Variants in ERC2 observed in about 807,000 individuals in gnomAD.
The protein encoded by ERC2 is ELKS/RAB6-interacting/CAST family member 2.
Under a neutral mutation model 114.8 loss-of-function variants are expected in ERC2, and 42 were observed. The observed-to-expected ratio is 0.37, with a 90% CI of 0.29 to 0.47. ERC2 has a LOEUF of 0.47. Ranked by LOEUF, ERC2 falls within the 20% of genes least tolerant of loss-of-function variation. The pLI is 0.99. For synonymous variants in ERC2, 454 were observed against 425.5 expected (o/e 1.07, Z -0.82); for missense variants, 939 against 1,150.7 (o/e 0.82, Z 2.66).
chr3:55,691,838 T>C (rs538103714), intron 16 of ERC2, among the ~76,000 whole-genome samples: 1 of 152,026 alleles, frequency 6.6e-6, no homozygotes, highest in South Asian at 2.1e-4. Flanking sequence ...TATGTATATA[T>C]AACGTATATT....
At chr3:56,163,186 T>C (rs2082145876) in intron 4 of ERC2, among the ~76,000 whole-genome samples, 1 of 152,152 alleles carries the variant, frequency 6.6e-6, no homozygotes, top group African/African-American at 2.4e-5. Context: ...TGAGAGATCT[T>C]CTTGGTATTG....
chr3:55,745,005 A>G (rs1194845343), intron 14 of ERC2, among the ~76,000 whole-genome samples: 2 of 152,228 alleles, frequency 1.3e-5, no homozygotes, highest in Non-Finnish European at 2.9e-5. Context: ...ATTACTTTCT[A>G]TGAGCTCCCC....
At chr3:56,076,893 T>C (rs753445270) in intron 7 of ERC2, among the ~76,000 whole-genome samples, 15 of 152,182 alleles carry the variant, frequency 9.9e-5, no homozygotes, top group African/African-American at 1.2e-4. Flanking sequence ...AATGCAAGCC[T>C]AGCTTTGCCA....
rs1404162511 is a variant in ERC2, at chr3:55,540,660, C to CTGGAGGCCCCTCCCA, written c.*40-29385_*40-29384insTGGGAGGGGCCTCCA. Reference sequence around the variant, plus strand: ...TTTTGGAGGCCCCTCCCAGCTTTAACGTTCTTTATCCCACTCTCCTGGGAG... The same window carrying CTGGAGGCCCCTCCCA: ...TTTTGGAGGCCCCTCCCAGCTTTAACTGGAGGCCCCTCCCAGTTCTTTATCCCACTCTCCTGGGAG... On this transcript the variant is annotated intron_variant, in intron 17 of 17. Transcript: ENST00000288221. Among the ~76,000 whole-genome samples the CTGGAGGCCCCTCCCA allele has an allele frequency of 5.3e-5, 8 of 152,300 alleles. No homozygotes were observed. In the East Asian group the frequency reaches 1.5e-3, roughly 29 times the overall value.
intron 7 of ERC2, among the ~76,000 whole-genome samples, chr3:56,020,472 C>A (rs534937161): frequency 4.7e-4 from 72 of 152,260 alleles, no homozygotes; most frequent in African/African-American, 1.6e-3. Context: ...TTGGAAAACA[C>A]AGCAATTCAG....
intron 6 of ERC2, among the ~76,000 whole-genome samples, chr3:56,121,070 C>G (rs2079547680): frequency 6.6e-6 from 1 of 152,194 alleles, no homozygotes; most frequent in Non-Finnish European, 1.5e-5. Flanking sequence ...TGCATGATTA[C>G]TGTTTAGACC....
intron 17 of ERC2, among the ~76,000 whole-genome samples, chr3:55,661,085 C>T (rs1193932408): frequency 6.6e-6 from 1 of 152,170 alleles, no homozygotes; most frequent in Non-Finnish European, 1.5e-5. Context: ...TGGTTCAACT[C>T]GTCTGTGCAT....
At chr3:56,297,146 T>C (rs1193549714) in intron 2 of ERC2, among the ~76,000 whole-genome samples, 1 of 136,402 alleles carries the variant, frequency 7.3e-6, no homozygotes, top group Non-Finnish European at 1.6e-5. Context: ...AAGCAAAAAA[T>C]CAACACAAAG....
chr3:56,302,926 G>A (rs76015388), intron 2 of ERC2, among the ~76,000 whole-genome samples: 3,337 of 152,326 alleles, frequency 0.022, 42 homozygotes, highest in South Asian at 0.064. Context: ...CTGGGTCCCA[G>A]TCAAACTGCT....
chr3:55,621,854 G>A (rs1414199937), intron 17 of ERC2, among the ~76,000 whole-genome samples: 1 of 152,184 alleles, frequency 6.6e-6, no homozygotes, highest in Admixed American at 6.5e-5. Context: ...CGTGGAAAAT[G>A]CCAGGCAGGT....
chr3:56,239,266 T>C (rs1287809331), intron 3 of ERC2, among the ~76,000 whole-genome samples: 2 of 151,898 alleles, frequency 1.3e-5, no homozygotes, highest in Non-Finnish European at 2.9e-5. Flanking sequence ...CCTGTAATCC[T>C]AGCACTTTCG....
chr3:56,223,062 A>C (rs909057301), intron 3 of ERC2, among the ~76,000 whole-genome samples: 4 of 152,250 alleles, frequency 2.6e-5, no homozygotes, highest in Admixed American at 2.6e-4. Context: ...GTGCCACCAC[A>C]GACCAAGCTC....
intron 14 of ERC2, among the ~76,000 whole-genome samples, chr3:55,757,714 A>G (rs570923563): frequency 6.6e-6 from 1 of 152,234 alleles, no homozygotes; most frequent in East Asian, 1.9e-4. Flanking sequence ...GGAGTTATAA[A>G]CCTATAAATA....
At chr3:55,879,991 T>C (rs2063044413) in intron 14 of ERC2, among the ~76,000 whole-genome samples, 1 of 152,204 alleles carries the variant, frequency 6.6e-6, no homozygotes, top group South Asian at 2.1e-4. Flanking sequence ...GATAACTGCC[T>C]AGGGCTTAGA....
At chr3:55,823,197 G>A (rs1008927220) in intron 14 of ERC2, among the ~76,000 whole-genome samples, 3 of 152,122 alleles carry the variant, frequency 2.0e-5, no homozygotes, top group Non-Finnish European at 4.4e-5. Flanking sequence ...TGAGAAAGCT[G>A]GCCATGGGCA....
At chr3:55,798,739 C>A (rs1005178024) in intron 14 of ERC2, among the ~76,000 whole-genome samples, 20 of 151,950 alleles carry the variant, frequency 1.3e-4, no homozygotes, top group African/African-American at 4.6e-4. Context: ...ACTATCAGCC[C>A]CAAATTGGGT....
chr3:56,254,078 T>C (rs1452185328), intron 3 of ERC2, among the ~76,000 whole-genome samples: 3 of 152,236 alleles, frequency 2.0e-5, no homozygotes, highest in Non-Finnish European at 2.9e-5. Flanking sequence ...TTAGTTTAGA[T>C]GGATTGGGAG....
chr3:55,813,185 G>C (rs2059785876), intron 14 of ERC2, among the ~76,000 whole-genome samples: 1 of 152,118 alleles, frequency 6.6e-6, no homozygotes, highest in African/African-American at 2.4e-5. Flanking sequence ...CTAAACCACT[G>C]CTATACAAAC....
chr3:56,357,303 A>G (rs2058781814), intron 2 of ERC2, among the ~76,000 whole-genome samples: 1 of 152,156 alleles, frequency 6.6e-6, no homozygotes, highest in African/African-American at 2.4e-5. Flanking sequence ...AGACCTCACA[A>G]CAATCCTTAC....
Sources: gnomAD v4.1 joint callset for allele counts (sites outside exome capture counted in the v4.1 genomes callset) on GRCh38, gnomAD v4.1.1 for gene constraint, MANE v1.5 for transcripts, NCBI Gene and HGNC (gene_info 2026-07-23, HGNC 2026-07-21) for gene names.